SMPDL3A: variants seen among roughly 807,000 people sequenced by gnomAD.
SMPDL3A encodes sphingomyelin phosphodiesterase acid like 3A, also known as cyclic GMP-AMP phosphodiesterase SMPDL3A.
Under a neutral mutation model 38.5 loss-of-function variants are expected in SMPDL3A, and 39 were observed. The ratio of observed to expected loss-of-function variants is 1.01; its 90% CI spans 0.78 to 1.32. The LOEUF (loss-of-function observed/expected upper bound fraction) is 1.32, where lower values mean the gene tolerates loss of function less well. Among genes scored for constraint, SMPDL3A ranks in the 40% most tolerant of loss-of-function variants. The pLI is 0.00. For synonymous variants in SMPDL3A, 180 were observed against 194.3 expected (o/e 0.93, Z 0.61); for missense variants, 502 against 536.2 (o/e 0.94, Z 0.63).
intron 5 of SMPDL3A, 152 bp downstream of exon 5, chr6:122,803,985 T>C: frequency 6.4e-6 from 1 of 155,994 alleles, no homozygotes; most frequent in East Asian, 1.6e-4. Context: ...ATTTTCTTTC[T>C]TTTTTTTTTT....
At chr6:122,806,852 T>G (rs1781638631) in intron 7 of SMPDL3A, among the ~76,000 whole-genome samples, 1 of 152,186 alleles carries the variant, frequency 6.6e-6, no homozygotes, top group Non-Finnish European at 1.5e-5. Context: ...GTAAAGCACT[T>G]AGAAAAACGC....
chr6:122,794,891 T>C (rs1342800120), intron 1 of SMPDL3A, among the ~76,000 whole-genome samples: 1 of 152,166 alleles, frequency 6.6e-6, no homozygotes, highest in Admixed American at 6.5e-5. Context: ...GATATATAGT[T>C]CCTGGTTCTG....
At position 122,796,835 on chromosome 6, in the gene SMPDL3A, C is replaced by T. The variant is rs746510276; in HGVS notation, c.338C>T (p.Pro113Leu). The change falls in exon 3 of 8, where the codon CCT becomes CTT. Residue 113 changes from proline to leucine, a missense_variant. By Grantham distance (98) the Pro-to-Leu change is moderately conservative (BLOSUM62 -3). Transcript: ENST00000368440. The part of the protein sequence containing the change: ...SFMIWTGDSP[P>L]HVPVPELSTD... ...CTCTCTTTTTTCAGGGATAGCCCACCTCATGTTCCTGTACCTGAACTCTCA... is the reference window on the plus strand; with the variant it reads ...CTCTCTTTTTTCAGGGATAGCCCACTTCATGTTCCTGTACCTGAACTCTCA... The T allele has an allele frequency of 6.8e-6, 11 of 1,611,360 alleles. No homozygotes were observed. The South Asian group carries it at 1.1e-4, about 16-fold the overall frequency.
At chr6:122,808,632 TTCCTTCCTTCCCCCCCTCCTCCC>T (rs1781734885) in intron 7 of SMPDL3A, among the ~76,000 whole-genome samples, 1 of 82,356 alleles carries the variant, frequency 1.2e-5, no homozygotes, top group Non-Finnish European at 2.3e-5. Context: ...CCTTCCTTCC[TTCCTTCCTTCCCCCCCTCCTCCC>T]CCCTCCCTCC....
At chr6:122,793,724 AATT>A (rs1355586952) in intron 1 of SMPDL3A, among the ~76,000 whole-genome samples, 3 of 152,194 alleles carry the variant, frequency 2.0e-5, no homozygotes, top group Non-Finnish European at 4.4e-5. Flanking sequence ...TATGTCATGG[AATT>A]ATAATGACAA....
Position 122,809,457 on chromosome 6 carries a change from C to A in SMPDL3A, c.*49C>A. 7.4e-7 allele frequency: 1 copy of A among 1,348,388 alleles called. No homozygotes were observed. The highest frequency in any genetic ancestry group is 1.0e-6 in the Non-Finnish European group (1 of 971,270). The allele number at this position is 1,348,388 out of a possible 1,614,324, so 83.5% of individuals were successfully genotyped here. ...AAAATGCTGATTCTGATTCTGAGAT[C>A]AATTTGTGGGAATTTTACATAAATC... On this transcript the variant is annotated 3_prime_UTR_variant, in exon 8 of 8. Coordinates refer to ENST00000368440, the MANE Select transcript of SMPDL3A (RefSeq NM_006714.5).
chr6:122,801,333 T>A lies in SMPDL3A; in HGVS notation c.495T>A (p.Ser165Arg), dbSNP rs897915929. 3.1e-6 allele frequency: 5 copies of A among 1,613,080 alleles called. No individual in the cohort carries two copies. The highest frequency in any genetic ancestry group is 3.4e-6 in the Non-Finnish European group (4 of 1,179,156). Residue 165 changes from serine to arginine, a missense_variant, in exon 4 of 8, where the codon AGT becomes AGA. Coordinates refer to ENST00000368440, the MANE Select transcript of SMPDL3A (RefSeq NM_006714.5). Reference protein sequence around the residue: ...WPQDQLPVVTSKVYNAVANLW... With the variant: ...WPQDQLPVVTRKVYNAVANLW... ...AGGATCAACTGCCTGTAGTCACCAGTAAAGTGTACAATGCAGTAGCAAACC... is the reference window on the plus strand; with the variant it reads ...AGGATCAACTGCCTGTAGTCACCAGAAAAGTGTACAATGCAGTAGCAAACC...
chr6:122,806,841 T>C (rs888913747), intron 7 of SMPDL3A, among the ~76,000 whole-genome samples: 3 of 152,234 alleles, frequency 2.0e-5, no homozygotes, highest in African/African-American at 4.8e-5. Context: ...AACAAATCTA[T>C]GTAAAGCACT....
intron 6 of SMPDL3A, 92 bp downstream of exon 6, chr6:122,805,181 C>A: frequency 9.1e-7 from 1 of 1,102,226 alleles, no homozygotes; most frequent in Non-Finnish European, 1.3e-6. Flanking sequence ...GTAAATTAAA[C>A]GTTTTATTTA....
At chr6:122,805,601 TCAA>T (rs1273407833) in intron 6 of SMPDL3A, among the ~76,000 whole-genome samples, 1 of 152,192 alleles carries the variant, frequency 6.6e-6, no homozygotes, top group Non-Finnish European at 1.5e-5. Context: ...ACACTCACAT[TCAA>T]CATCTATCAA....
rs1781560243 is a variant in SMPDL3A at position 122,805,062 on chromosome 6, A to T, written c.892A>T (p.Ser298Cys). 5 of 1,606,854 alleles carry T rather than the reference A, an allele frequency of 3.1e-6. No individual in the cohort carries two copies. Among genetic ancestry groups the T allele is most frequent in the Non-Finnish European group, 4.2e-6 (5 of 1,177,718 alleles). Residue 298 changes from serine (S) to cysteine (C), a missense_variant, in exon 6 of 8, where the codon AGC becomes TGC. By Grantham distance (112) the Ser-to-Cys change is moderately radical. Transcript: ENST00000368440. ...GQFYGHTHRD[S>C]IMVLSDKKGS... ...ATTTTATGGACACACTCACAGAGACAGCATTATGGTTCTTTCAGATAAAAA... is the reference window on the plus strand; with the variant it reads ...ATTTTATGGACACACTCACAGAGACTGCATTATGGTTCTTTCAGATAAAAA...
rs1168554531 is a variant in SMPDL3A, at chr6:122,789,428, G to A, written c.82G>A (p.Ala28Thr). The change falls in exon 1 of 8, where the codon GCA becomes ACA. Residue 28 changes from alanine (A) to threonine (T), a missense_variant. By Grantham distance (58) the Ala-to-Thr change is moderately conservative. Coordinates refer to ENST00000368440, the MANE Select transcript of SMPDL3A (RefSeq NM_006714.5). ...RSGLGLPVAP[A>T]GGRNPPPAIG... is the part of the protein sequence containing the mutation. The stretch of plus-strand genomic sequence containing the variant: ...CGGCCTCGGGCTGCCCGTGGCGCCC[G>A]CAGGCGGCAGGAATCCTCCTCCGGC... 9 of 1,549,362 alleles carry A rather than the reference G, an allele frequency of 5.8e-6. No homozygotes were observed. In the Admixed American group the frequency reaches 1.4e-4, roughly 24 times the overall value.
intron 1 of SMPDL3A, chr6:122,789,774 T>C: frequency 1.1e-6 from 1 of 928,898 alleles, no homozygotes; most frequent in Non-Finnish European, 1.3e-6. Context: ...TCAGTTGTTT[T>C]GTTCCTTGGG....
rs763307044 is a variant in SMPDL3A at position 122,803,656 on chromosome 6, T to G, written c.569-8T>G. On this transcript the variant is annotated splice_region_variant and splice_polypyrimidine_tract_variant and intron_variant, in intron 4 of 7. Coordinates refer to ENST00000368440, the MANE Select transcript of SMPDL3A (RefSeq NM_006714.5). ...TTTCCTAAATGTGTTTTAAAATTGT[T>G]TTTATAGGTGGTTTTTATTCACAGA... The G allele has an allele frequency of 3.5e-5, 56 of 1,605,220 alleles. 3 individuals are homozygous for G. The South Asian group carries it at 4.3e-4, about 12-fold the overall frequency.
intron 5 of SMPDL3A, 151 bp downstream of exon 5, chr6:122,803,984 C>CT (rs112270814): frequency 0.26 from 127,492 of 497,970 alleles, 6,114 homozygotes; most frequent in Non-Finnish European, 0.29. Context: ...GATTTTCTTT[C>CT]TTTTTTTTTT....
chr6:122,796,097 G>A (rs1042947087), intron 2 of SMPDL3A, among the ~76,000 whole-genome samples: 12 of 152,038 alleles, frequency 7.9e-5, no homozygotes, highest in African/African-American at 2.9e-4. Context: ...TCAGAAATAT[G>A]TCAGTGTTAA....
chr6:122,808,126 ATAGT>A (rs1414267316), intron 7 of SMPDL3A, among the ~76,000 whole-genome samples: 1 of 152,230 alleles, frequency 6.6e-6, no homozygotes, highest in African/African-American at 2.4e-5. Flanking sequence ...AACAACATAT[ATAGT>A]AAGACTCCAT....
chr6:122,807,709 C>CT (rs5784724), intron 7 of SMPDL3A, among the ~76,000 whole-genome samples: 59,243 of 149,598 alleles, frequency 0.4, 13,136 homozygotes, highest in Non-Finnish European at 0.51. Context: ...GGTATAACTG[C>CT]TTTTTTTTTT....
Position 122,795,730 on chromosome 6 carries a change from G to A in SMPDL3A, c.166G>A (p.Asp56Asn). 6.2e-7 allele frequency: 1 copy of A among 1,614,148 alleles called. No individual in the cohort carries two copies. Among genetic ancestry groups the A allele is most frequent in the Non-Finnish European group, 8.5e-7 (1 of 1,180,030 alleles). ...LHLDPTYHIT[D>N]DHTKVCASSK... ...CTTAGACCCTACTTACCACATCACA[G>A]ATGACCACACAAAAGTGTGTGCTTC... Residue 56 changes from aspartate to asparagine, a missense_variant, in exon 2 of 8, where the codon GAT becomes AAT. Transcript: ENST00000368440.
Sources: allele counts gnomAD v4.1 joint callset (sites outside exome capture counted in the v4.1 genomes callset), GRCh38; gene constraint gnomAD v4.1.1; transcripts MANE v1.5; gene names NCBI Gene and HGNC (gene_info 2026-07-23, HGNC 2026-07-21).